ADAMTS8: variants seen among roughly 807,000 people sequenced by gnomAD.
The protein encoded by ADAMTS8 is ADAM metallopeptidase with thrombospondin type 1 motif 8, also known as A disintegrin and metalloproteinase with thrombospondin motifs 8.
Under a neutral mutation model 64.4 loss-of-function variants are expected in ADAMTS8, and 50 were observed. That is an observed-to-expected ratio of 0.78 (90% CI 0.62 to 0.98). The LOEUF is 0.98. Ranked by LOEUF, ADAMTS8 falls within the 50% of genes least tolerant of loss-of-function variation. The pLI is 0.00. For missense variants in ADAMTS8, 1,192 were observed against 1,208.2 expected, an observed-to-expected ratio of 0.99 and a Z score of 0.20; for synonymous variants, 556 against 533.6, an observed-to-expected ratio of 1.04 and a Z score of -0.58.
intron 1 of ADAMTS8, among the ~76,000 whole-genome samples, chr11:130,421,417 C>T (rs956449213): frequency 6.6e-6 from 1 of 152,198 alleles, no homozygotes; most frequent in Non-Finnish European, 1.5e-5. Context: ...CAGTGCATAG[C>T]TGTCAGGCAG....
chr11:130,405,132 C>T lies in ADAMTS8; in HGVS notation c.*426G>A. ...GCTTTGGAGCCTGCTTTGACATTCA[C>T]CATTGACTCCCTGCCCCACGCCTCT... On this transcript the variant is annotated 3_prime_UTR_variant, in exon 9 of 9. Transcript: ENST00000257359. The T allele has an allele frequency of 1.0e-6, 1 of 994,782 alleles. No homozygotes were observed. The highest frequency in any genetic ancestry group is 5.2e-4 in the Middle Eastern group (1 of 1,932). 61.6% of individuals were successfully genotyped at this position (994,782 alleles called of 1,614,324 possible). A position where few individuals can be genotyped will look rare whatever the true frequency, so the allele number is the denominator to read the frequency against.
chr11:130,414,324 A>G (rs117029721), intron 5 of ADAMTS8, among the ~76,000 whole-genome samples: 10 of 148,366 alleles, frequency 6.7e-5, no homozygotes, highest in African/African-American at 2.0e-4. Flanking sequence ...GGATCTCACT[A>G]TGTTGCCCAG....
chr11:130,423,961 T>C (rs946314885), intron 1 of ADAMTS8, among the ~76,000 whole-genome samples: 19 of 152,204 alleles, frequency 1.2e-4, no homozygotes, highest in African/African-American at 3.4e-4. Context: ...TGGGATTAAA[T>C]GAACTCAATT....
intron 8 of ADAMTS8, among the ~76,000 whole-genome samples, chr11:130,407,578 AG>A (rs1184935013): frequency 6.6e-6 from 1 of 152,084 alleles, no homozygotes; most frequent in Non-Finnish European, 1.5e-5. Context: ...TGAGACCGTG[AG>A]TGGGGGAAGT....
In ADAMTS8 at chr11:130,405,582, G is replaced by C. The variant is rs35281339; in HGVS notation, c.2646C>G (p.Cys882Trp). ...ATCACAGGGGGCACAGCTGGCTTTC[G>C]CAGGGCTTGGCATCCTCGGGTTTCA... Reference protein sequence around the residue: ...KALKPEDAKPCESQLCPL With the variant: ...KALKPEDAKPWESQLCPL Residue 882 changes from cysteine to tryptophan, a missense_variant, in exon 9 of 9, where the codon TGC becomes TGG. By Grantham distance (215) the Cys-to-Trp change is radical. Coordinates refer to ENST00000257359, the MANE Select transcript of ADAMTS8 (RefSeq NM_007037.6). 4 of 1,607,068 alleles carry C rather than the reference G, an allele frequency of 2.5e-6. No individual in the cohort carries two copies. Among genetic ancestry groups the C allele is most frequent in the Admixed American group, 3.3e-5 (2 of 59,798 alleles).
chr11:130,425,731 G>T (rs570433758), intron 1 of ADAMTS8, among the ~76,000 whole-genome samples: 179 of 152,000 alleles, frequency 1.2e-3, no homozygotes, highest in Admixed American at 3.0e-3. Context: ...CTCCCGAGTA[G>T]CTGGGACTAC....
At position 130,408,487 on chromosome 11, in the gene ADAMTS8, G is replaced by A; in HGVS notation, c.2076C>T (p.Val692=). ...ACTTGGTGGGGGTGAGGGACCCGGA[G>A]ACCTTCCTGCAGGAGTTGCCTTTGC... The part of the protein sequence containing the change: ...CGGKGNSCRK[V]SGSLTPTNYG... The change falls in exon 8 of 9, where the codon GTC becomes GTT. Residue 692 remains valine, a synonymous_variant. Transcript: ENST00000257359. 2 of 1,613,924 alleles carry A rather than the reference G, an allele frequency of 1.2e-6. No homozygotes were observed. Among genetic ancestry groups the A allele is most frequent in the South Asian group, 1.1e-5 (1 of 91,056 alleles).
Position 130,414,648 on chromosome 11 carries a change from C to T in ADAMTS8, c.1449G>A (p.Glu483=), listed in dbSNP as rs574346911. 1.5e-4 allele frequency: 239 copies of T among 1,613,772 alleles called. 3 individuals carry two copies. The South Asian group carries it at 2.6e-3, about 17-fold the overall frequency. Residue 483 remains glutamate (E), a synonymous_variant, in exon 5 of 9, where the codon GAG becomes GAA. Transcript: ENST00000257359. ...AQLWCHTDGA[E]PLCHTKNGSL... ...TGCCATTCTTCGTGTGGCACAGGGG[C>T]TCAGCCCCATCAGTGTGGCACCAAA...
intron 4 of ADAMTS8, among the ~76,000 whole-genome samples, chr11:130,415,214 C>T (rs1862005739): frequency 1.3e-5 from 2 of 152,178 alleles, no homozygotes; most frequent in South Asian, 4.1e-4. Context: ...CATACATGTC[C>T]CTGTCTCCCT....
At chr11:130,406,246 T>A in intron 8 of ADAMTS8, 118 bp from the exon 9 acceptor site, 1 of 1,281,112 alleles carries the variant, frequency 7.8e-7, no homozygotes. Flanking sequence ...ACAAAGCAAG[T>A]AATTAAGCAA....
At chr11:130,418,446 G>C (rs1303637777) in intron 2 of ADAMTS8, among the ~76,000 whole-genome samples, 1 of 152,228 alleles carries the variant, frequency 6.6e-6, no homozygotes, top group Non-Finnish European at 1.5e-5. Context: ...CTCTACAGCA[G>C]CACTGTCTTG....
chr11:130,422,438 A>G (rs901315150), intron 1 of ADAMTS8, among the ~76,000 whole-genome samples: 1 of 152,012 alleles, frequency 6.6e-6, no homozygotes, highest in African/African-American at 2.4e-5. Flanking sequence ...CCCCGATGTC[A>G]TCATTACATC....
chr11:130,425,738 C>T (rs1339932244), intron 1 of ADAMTS8, among the ~76,000 whole-genome samples: 2 of 151,888 alleles, frequency 1.3e-5, no homozygotes, highest in Non-Finnish European at 2.9e-5. Flanking sequence ...GTAGCTGGGA[C>T]TACAGGCGCC....
intron 8 of ADAMTS8, among the ~76,000 whole-genome samples, chr11:130,407,354 A>C (rs2134672354): frequency 6.6e-6 from 1 of 152,324 alleles, no homozygotes; most frequent in African/African-American, 2.4e-5. Context: ...CAACAGAGTG[A>C]GACTCTGTCT....
At chr11:130,409,081 G>A (rs1349279325) in intron 6 of ADAMTS8, 141 bp from the exon 7 acceptor site, 1 of 907,600 alleles carries the variant, frequency 1.1e-6, no homozygotes, top group Non-Finnish European at 1.6e-6. Flanking sequence ...AGTGTCTTCT[G>A]GGCACAACAT....
Position 130,428,420 on chromosome 11 carries a change from C to G in ADAMTS8, c.-134G>C, listed in dbSNP as rs1862213571. 4 of 1,084,222 alleles carry G rather than the reference C, an allele frequency of 3.7e-6. No individual in the cohort carries two copies. The allele number at this position is 1,084,222 out of a possible 1,614,324, so 67.2% of individuals were successfully genotyped here. On this transcript the variant is annotated 5_prime_UTR_variant, in exon 1 of 9. Transcript: ENST00000257359. ...TCAATCGGGTGCAAGGCCGACTCGG[C>G]CCGCGGGGCCCGGCGGCGGGAGCGC...
chr11:130,408,206 C>T (rs539142213), intron 8 of ADAMTS8, among the ~76,000 whole-genome samples: 4 of 151,996 alleles, frequency 2.6e-5, no homozygotes, highest in Non-Finnish European at 4.4e-5. Context: ...GTAAAAGTCA[C>T]GGCTGCCCTG....
At position 130,411,688 on chromosome 11, in the gene ADAMTS8, C is replaced by T. The variant is rs1861955299; in HGVS notation, c.1567-88G>A. ...ACTGGGTGGCCAATGCCCTGGCTTC[C>T]TCATCTAGTCATTATCATCTTGGTG... On this transcript the variant is annotated intron_variant, in intron 5 of 8. Coordinates refer to ENST00000257359, the MANE Select transcript of ADAMTS8 (RefSeq NM_007037.6). The surrounding 1 kb of genome is among the most constrained non-coding windows in gnomAD (Gnocchi z 4.2). 9.0e-6 allele frequency: 12 copies of T among 1,335,654 alleles called. No homozygotes were observed. In the South Asian group the frequency reaches 1.3e-4, roughly 15 times the overall value. The allele number at this position is 1,335,654 out of a possible 1,614,324, so 82.7% of individuals were successfully genotyped here.
chr11:130,426,842 G>A (rs553732904), intron 1 of ADAMTS8, among the ~76,000 whole-genome samples: 53 of 152,336 alleles, frequency 3.5e-4, no homozygotes, highest in Admixed American at 1.2e-3. Context: ...CAGCCCCTGC[G>A]CCCCTCGCGT....
Sources: allele counts gnomAD v4.1 joint callset (sites outside exome capture counted in the v4.1 genomes callset), GRCh38; gene constraint gnomAD v4.1.1; non-coding constraint Gnocchi (gnomAD v3.1); transcripts MANE v1.5; gene names NCBI Gene and HGNC (gene_info 2026-07-23, HGNC 2026-07-21).